The following TIAM2 variants were observed in gnomAD, a reference collection of about 807,000 sequenced individuals.
TIAM2 encodes the protein TIAM Rac1 associated GEF 2.
A neutral mutation model predicts 152.9 loss-of-function variants in TIAM2; 80 were observed. The observed-to-expected ratio is 0.52, with a 90% CI of 0.44 to 0.63. The LOEUF is 0.63. Among genes scored for constraint, TIAM2 ranks in the 30% least tolerant of loss-of-function variants. TIAM2 has a pLI of 0.00. For synonymous variants in TIAM2, 804 were observed against 838.0 expected (o/e 0.96, Z 0.70); for missense variants, 1,965 against 2,120.1 (o/e 0.93, Z 1.44).
intron 1 of TIAM2, among the ~76,000 whole-genome samples, chr6:155,004,077 C>T (rs911083362): frequency 1.3e-5 from 2 of 152,190 alleles, no homozygotes; most frequent in African/African-American, 4.8e-5. Context: ...GGGTTTTGCC[C>T]TGTTGGCCAG....
At chr6:155,141,889 C>G (rs1779715449) in intron 5 of TIAM2, among the ~76,000 whole-genome samples, 1 of 152,198 alleles carries the variant, frequency 6.6e-6, no homozygotes, top group African/African-American at 2.4e-5. Context: ...GGTGAGATTT[C>G]TACTAATATT....
chr6:155,085,563 T>TAA (rs879432345), intron 1 of TIAM2, among the ~76,000 whole-genome samples: 1 of 146,562 alleles, frequency 6.8e-6, no homozygotes. Context: ...ATGTGGCCAT[T>TAA]AAAAAAAAAA....
At chr6:155,040,659 C>G (rs900391615) in intron 1 of TIAM2, among the ~76,000 whole-genome samples, 8 of 152,050 alleles carry the variant, frequency 5.3e-5, no homozygotes, top group Non-Finnish European at 1.2e-4. Flanking sequence ...GCTGGGACTA[C>G]AGGTATGCGC....
intron 1 of TIAM2, among the ~76,000 whole-genome samples, chr6:155,064,527 G>A (rs184753172): frequency 3.8e-4 from 58 of 152,340 alleles, no homozygotes; most frequent in Non-Finnish European, 7.8e-4. Flanking sequence ...AGCATGAGAA[G>A]TGTGAGAGCC....
At chr6:155,020,180 A>G (rs570343508) in intron 1 of TIAM2, among the ~76,000 whole-genome samples, 3 of 152,280 alleles carry the variant, frequency 2.0e-5, no homozygotes, top group African/African-American at 7.2e-5. Flanking sequence ...AACTTCTCCC[A>G]TGCTTTCCAG....
chr6:155,034,023 G>C, intron 1 of TIAM2, among the ~76,000 whole-genome samples: 1 of 147,838 alleles, frequency 6.8e-6, no homozygotes, highest in East Asian at 2.1e-4. Context: ...GGCCTCTCTT[G>C]GCTTTCTTCT....
rs774526716 is a variant in TIAM2 at position 155,130,062 on chromosome 6, G to A, written c.839G>A (p.Ser280Asn). ...PGMPDPSLHA[S>N]FPPGDAKKPF... ...ATGCCTGACCCCAGTCTCCATGCCA[G>A]CTTCCCACCTGGCGATGCCAAAAAG... The change falls in exon 4 of 27, where the codon AGC becomes AAC. Residue 280 changes from serine (S) to asparagine (N), a missense_variant. This residue lies in a region of TIAM2 where 1,025 missense variants were observed against 1,119.4 expected (regional missense o/e 0.92). Transcript: ENST00000682666. 69 of 1,614,072 alleles carry A rather than the reference G, an allele frequency of 4.3e-5. No individual in the cohort carries two copies. Among genetic ancestry groups the A allele is most frequent in the Non-Finnish European group, 5.7e-5 (67 of 1,180,026 alleles).
intron 14 of TIAM2, among the ~76,000 whole-genome samples, chr6:155,187,621 C>T (rs1174655547): frequency 9.0e-6 from 1 of 110,532 alleles, no homozygotes; most frequent in East Asian, 2.8e-4. Context: ...CTCTTGTTGC[C>T]CAGGCTGGAG....
intron 9 of TIAM2, chr6:155,168,846 TA>T (rs1562339614): frequency 6.5e-7 from 1 of 1,535,570 alleles, no homozygotes; most frequent in South Asian, 1.2e-5. Context: ...ATCTGTCAGA[TA>T]TTTGATTCAA....
chr6:155,025,938 C>G (rs760932864), intron 1 of TIAM2, among the ~76,000 whole-genome samples: 9 of 151,448 alleles, frequency 5.9e-5, no homozygotes, highest in Non-Finnish European at 1.2e-4. Context: ...AGCAGTGGGA[C>G]AAAAGCCTCC....
chr6:155,223,539 T>TTTTTACTCTG, intron 15 of TIAM2, among the ~76,000 whole-genome samples: 1 of 151,384 alleles, frequency 6.6e-6, no homozygotes, highest in Admixed American at 6.6e-5. Flanking sequence ...TTTTTTTTTT[T>TTTTTACTCTG]TTTTTACTCT....
At chr6:155,148,009 G>C in intron 6 of TIAM2, 101 bp from the exon 7 acceptor site, 3 of 1,164,638 alleles carry the variant, frequency 2.6e-6, no homozygotes, top group Non-Finnish European at 3.8e-6. Context: ...TGCAGTGCAA[G>C]TACTTCTTGG....
rs139008799 is a variant in TIAM2, at chr6:155,078,337, C to T, written c.-208-11952C>T. On this transcript the variant is annotated intron_variant, in intron 1 of 26. Coordinates refer to ENST00000682666, the MANE Select transcript of TIAM2 (RefSeq NM_012454.4). ...CTGGGATTACAGGTGTGAGCCACTG[C>T]GCCCAGCCTCGAGTTCACTTTAATG... 3.1e-3 allele frequency among the ~76,000 whole-genome samples: 469 copies of T among 152,264 alleles called. 3 individuals are homozygous for T. The highest frequency in any genetic ancestry group is 0.011 in the African/African-American group (439 of 41,556).
intron 2 of TIAM2, among the ~76,000 whole-genome samples, chr6:155,101,996 C>T (rs1376003015): frequency 6.7e-6 from 1 of 149,408 alleles, no homozygotes; most frequent in Non-Finnish European, 1.5e-5. Flanking sequence ...GCAACCGTGC[C>T]GGCCTTTTTT....
intron 1 of TIAM2, among the ~76,000 whole-genome samples, chr6:155,032,577 G>C (rs1034971000): frequency 2.0e-5 from 3 of 152,098 alleles, no homozygotes; most frequent in Non-Finnish European, 4.4e-5. Flanking sequence ...GTATCGCTCT[G>C]TTGCCCAGGC....
At chr6:155,232,461 T>G (rs1171328678) in intron 15 of TIAM2, 1 of 152,248 alleles carries the variant, frequency 6.6e-6, no homozygotes, top group African/African-American at 2.4e-5. Context: ...ACACCCTTTC[T>G]GGGGCTTGAC....
chr6:155,113,690 A>C (rs11961917), intron 2 of TIAM2, among the ~76,000 whole-genome samples: 31,211 of 152,012 alleles, frequency 0.21, 4,217 homozygotes, highest in African/African-American at 0.38. Flanking sequence ...TGCCACTGCA[A>C]GCCAGCCTGG....
intron 2 of TIAM2, among the ~76,000 whole-genome samples, chr6:155,112,891 C>T (rs1304054199): frequency 2.0e-5 from 3 of 152,002 alleles, no homozygotes; most frequent in Non-Finnish European, 4.4e-5. Flanking sequence ...CTACCACCCC[C>T]CTCCCTTACC....
At chr6:155,203,077 G>C (rs1239671320) in intron 14 of TIAM2, among the ~76,000 whole-genome samples, 2 of 121,604 alleles carry the variant, frequency 1.6e-5, no homozygotes, top group Non-Finnish European at 3.2e-5. Flanking sequence ...AAAAGAGAAA[G>C]ATTTGCAAAG....
Sources: allele counts gnomAD v4.1 joint callset (sites outside exome capture counted in the v4.1 genomes callset), GRCh38; gene constraint gnomAD v4.1.1; regional missense constraint gnomAD v4.1.1; transcripts MANE v1.5; gene names NCBI Gene and HGNC (gene_info 2026-07-23, HGNC 2026-07-21).